Variants in HS6ST3 observed in about 807,000 individuals in gnomAD.
HS6ST3 encodes heparan-sulfate 6-O-sulfotransferase 3.
A neutral mutation model predicts 36.7 loss-of-function variants in HS6ST3; 12 were observed. That is an observed-to-expected ratio of 0.33 (90% CI 0.21 to 0.53). HS6ST3 has a LOEUF of 0.53. Ranked by LOEUF, HS6ST3 falls within the 20% of genes least tolerant of loss-of-function variation. The probability of loss-of-function intolerance (pLI) is 0.95; values close to 1 mark genes in which losing one functional copy is unlikely to be tolerated. For missense variants in HS6ST3, 584 were observed against 640.9 expected, an observed-to-expected ratio of 0.91 and a Z score of 0.96; for synonymous variants, 240 against 257.5, an observed-to-expected ratio of 0.93 and a Z score of 0.65.
chr13:96,475,286 C>T (rs1392304447), intron 1 of HS6ST3, among the ~76,000 whole-genome samples: 4 of 152,056 alleles, frequency 2.6e-5, no homozygotes, highest in Non-Finnish European at 5.9e-5. Context: ...TAAGCTATGC[C>T]TTGCAACAGG....
intron 1 of HS6ST3, among the ~76,000 whole-genome samples, chr13:96,154,511 A>G (rs2054101425): frequency 6.6e-6 from 1 of 152,170 alleles, no homozygotes; most frequent in South Asian, 2.1e-4. Flanking sequence ...GCTTAGTGTA[A>G]CATCAGTAAA....
intron 1 of HS6ST3, among the ~76,000 whole-genome samples, chr13:96,712,917 G>A (rs545955213): frequency 1.3e-5 from 2 of 152,108 alleles, no homozygotes; most frequent in Non-Finnish European, 2.9e-5. Flanking sequence ...AATCAAATGG[G>A]ATTTTTAAAA....
chr13:96,497,058 G>T (rs1358255815), intron 1 of HS6ST3, among the ~76,000 whole-genome samples: 1 of 152,070 alleles, frequency 6.6e-6, no homozygotes, highest in African/African-American at 2.4e-5. Context: ...GCAAGGAGTA[G>T]CCATCACTAG....
chr13:96,138,161 TA>T (rs991247446), intron 1 of HS6ST3, among the ~76,000 whole-genome samples: 19 of 152,300 alleles, frequency 1.2e-4, no homozygotes, highest in South Asian at 2.1e-4. Flanking sequence ...CAAAATCTGT[TA>T]TGAATAGCAC....
intron 1 of HS6ST3, among the ~76,000 whole-genome samples, chr13:96,549,341 C>T (rs1263570829): frequency 6.6e-6 from 1 of 152,010 alleles, no homozygotes; most frequent in Non-Finnish European, 1.5e-5. Flanking sequence ...TTGTGTTTTT[C>T]AAATAGATAG....
Position 96,497,609 on chromosome 13 carries a change from G to A in HS6ST3, c.708-334881G>A, listed in dbSNP as rs886275633. On this transcript the variant is annotated intron_variant, in intron 1 of 1. Coordinates refer to ENST00000376705, the MANE Select transcript of HS6ST3 (RefSeq NM_153456.4). ...ACATCTCTAATTCATTCACCACAAG[G>A]CCCTCAAAGTGATCCTTTGAAAATA... Among the ~76,000 whole-genome samples, 12 of 152,108 alleles carry A rather than the reference G, an allele frequency of 7.9e-5. No homozygotes were observed. In the East Asian group the frequency reaches 1.7e-3, roughly 22 times the overall value.
At chr13:96,652,612 C>A (rs957204369) in intron 1 of HS6ST3, among the ~76,000 whole-genome samples, 7 of 152,028 alleles carry the variant, frequency 4.6e-5, no homozygotes, top group Admixed American at 2.6e-4. Context: ...TTGAAAGCAC[C>A]TCATCTGTTT....
In HS6ST3 at chr13:96,091,060, G is replaced by A. The variant is rs1288751821; in HGVS notation, c.198G>A (p.Glu66=). 6 of 1,269,100 alleles carry A rather than the reference G, an allele frequency of 4.7e-6. No individual in the cohort carries two copies. Among genetic ancestry groups the A allele is most frequent in the East Asian group, 6.3e-5 (2 of 31,654 alleles). 78.6% of individuals were successfully genotyped at this position (1,269,100 alleles called of 1,614,324 possible). A position where few individuals can be genotyped will look rare whatever the true frequency, so the allele number is the denominator to read the frequency against. Residue 66 remains glutamate, a synonymous_variant, in exon 1 of 2, where the codon GAG becomes GAA. Transcript: ENST00000376705. ...CTCAGGCGCCGCCGGAGGAGTGGGA[G>A]CGGCGGCCCCAGTTGCCCCCGCCGC... ...RRAQAPPEEW[E]RRPQLPPPPR...
chr13:96,189,740 G>A (rs2054280244), intron 1 of HS6ST3, among the ~76,000 whole-genome samples: 1 of 152,160 alleles, frequency 6.6e-6, no homozygotes, highest in Non-Finnish European at 1.5e-5. Flanking sequence ...GACATTTCTG[G>A]AACCTAGACT....
At chr13:96,813,806 A>G (rs1281726382) in intron 1 of HS6ST3, among the ~76,000 whole-genome samples, 1 of 152,176 alleles carries the variant, frequency 6.6e-6, no homozygotes, top group Non-Finnish European at 1.5e-5. Flanking sequence ...CTCACAAACA[A>G]AAGAATAGAC....
intron 1 of HS6ST3, among the ~76,000 whole-genome samples, chr13:96,604,118 G>A (rs979232967): frequency 3.3e-5 from 5 of 152,254 alleles, no homozygotes; most frequent in Middle Eastern, 3.4e-3. Context: ...AGTTCTGGCT[G>A]TAAAGAAGTA....
At chr13:96,269,986 C>T (rs2054712053) in intron 1 of HS6ST3, among the ~76,000 whole-genome samples, 1 of 152,082 alleles carries the variant, frequency 6.6e-6, no homozygotes, top group African/African-American at 2.4e-5. Flanking sequence ...CAAGACTTAT[C>T]AGAATGCAGC....
intron 1 of HS6ST3, among the ~76,000 whole-genome samples, chr13:96,581,420 C>T (rs1046350160): frequency 2.0e-5 from 3 of 151,948 alleles, no homozygotes; most frequent in Non-Finnish European, 4.4e-5. Context: ...GACAGGGTTT[C>T]GCCATGTTAG....
intron 1 of HS6ST3, among the ~76,000 whole-genome samples, chr13:96,602,921 C>T (rs1017882603): frequency 2.4e-4 from 36 of 152,144 alleles, no homozygotes; most frequent in African/African-American, 8.7e-4. Context: ...AGATGGATGA[C>T]ATGTTTAATG....
chr13:96,158,992 G>A (rs1287277058), intron 1 of HS6ST3, among the ~76,000 whole-genome samples: 2 of 152,168 alleles, frequency 1.3e-5, no homozygotes, highest in Non-Finnish European at 2.9e-5. Flanking sequence ...GAAGAGAAGA[G>A]AAGGAAAGAG....
intron 1 of HS6ST3, among the ~76,000 whole-genome samples, chr13:96,602,404 T>C (rs2056424848): frequency 6.6e-6 from 1 of 152,216 alleles, no homozygotes; most frequent in Admixed American, 6.5e-5. Flanking sequence ...ACTTATTTCA[T>C]TCTTCATACA....
At chr13:96,336,494 C>T (rs2055101574) in intron 1 of HS6ST3, among the ~76,000 whole-genome samples, 1 of 152,108 alleles carries the variant, frequency 6.6e-6, no homozygotes, top group Admixed American at 6.5e-5. Flanking sequence ...AGGGTAGGCC[C>T]CAATCTAGTC....
At chr13:96,785,317 G>A (rs1452601589) in intron 1 of HS6ST3, among the ~76,000 whole-genome samples, 2 of 152,180 alleles carry the variant, frequency 1.3e-5, no homozygotes, top group Non-Finnish European at 2.9e-5. Context: ...AACATGGCTT[G>A]ATTAGAATCA....
chr13:96,737,547 C>T (rs974382398), intron 1 of HS6ST3, among the ~76,000 whole-genome samples: 2 of 144,460 alleles, frequency 1.4e-5, no homozygotes, highest in Admixed American at 7.1e-5. Flanking sequence ...ATGGCGTGAA[C>T]CCGGGAAGCG....
Sources: allele counts gnomAD v4.1 joint callset (sites outside exome capture counted in the v4.1 genomes callset), GRCh38; gene constraint gnomAD v4.1.1; transcripts MANE v1.5; gene names NCBI Gene and HGNC (gene_info 2026-07-23, HGNC 2026-07-21).